The following ITGB6 variants were observed in gnomAD, a reference collection of about 807,000 sequenced individuals.
ITGB6 encodes integrin subunit beta 6, also known as integrin beta-6.
Under a neutral mutation model 84.5 loss-of-function variants are expected in ITGB6, and 80 were observed. That is an observed-to-expected ratio of 0.95 (90% confidence interval 0.79 to 1.14). The LOEUF is 1.14. ITGB6 is among the 50% of genes most tolerant of loss of function. The pLI is 0.00. For synonymous variants in ITGB6, 383 were observed against 354.9 expected (o/e 1.08, Z -0.89); for missense variants, 1,006 against 968.0 (o/e 1.04, Z -0.52).
intron 4 of ITGB6, among the ~76,000 whole-genome samples, chr2:160,191,167 T>G (rs916911314): frequency 1.2e-4 from 19 of 152,202 alleles, no homozygotes; most frequent in African/African-American, 3.6e-4. Context: ...ATCAAGCAAT[T>G]AATAACAATA....
At chr2:160,170,312 A>G (rs765542788) in intron 6 of ITGB6, among the ~76,000 whole-genome samples, 2 of 152,240 alleles carry the variant, frequency 1.3e-5, no homozygotes, top group African/African-American at 4.8e-5. Flanking sequence ...AGAAAAGTGT[A>G]GTTTTGCCTA....
At position 160,163,456 on chromosome 2, in the gene ITGB6, A is replaced by AC. The variant is rs1271050176; in HGVS notation, c.1017+5755dup. ...AGACCAGTCTGGCCAACATGGTGAA[A>AC]CCCCGTCTCTACTAAAAACATGCAA... On this transcript the variant is annotated intron_variant, in intron 7 of 14. Transcript: ENST00000283249. Among the ~76,000 whole-genome samples, 38 of 151,926 alleles carry AC rather than the reference A, an allele frequency of 2.5e-4. No homozygotes were observed. The South Asian group carries it at 3.1e-3, about 12-fold the overall frequency.
chr2:160,157,967 C>A (rs1318254296), intron 7 of ITGB6, among the ~76,000 whole-genome samples: 2 of 152,082 alleles, frequency 1.3e-5, no homozygotes, highest in Non-Finnish European at 2.9e-5. Flanking sequence ...CTGGTTCTCA[C>A]GTTCATTATC....
chr2:160,160,552 C>G (rs1004135748), intron 7 of ITGB6, among the ~76,000 whole-genome samples: 1 of 152,144 alleles, frequency 6.6e-6, no homozygotes, highest in African/African-American at 2.4e-5. Flanking sequence ...ATCATTAATA[C>G]TAGTCCCTTG....
intron 6 of ITGB6, 125 bp downstream of exon 6, chr2:160,172,444 A>C: frequency 1.1e-6 from 1 of 928,234 alleles, no homozygotes; most frequent in African/African-American, 1.6e-5. Flanking sequence ...GCAACTTGTT[A>C]ATCCCACATT....
At chr2:160,174,557 C>T (rs573780553) in intron 4 of ITGB6, among the ~76,000 whole-genome samples, 2 of 147,510 alleles carry the variant, frequency 1.4e-5, no homozygotes, top group Non-Finnish European at 3.0e-5. Context: ...AAGAGAGGAA[C>T]CTGTCTTCTT....
At chr2:160,108,836 G>C (rs6729540) in intron 13 of ITGB6, among the ~76,000 whole-genome samples, 120,041 of 152,178 alleles carry the variant, frequency 0.79, 48,299 homozygotes, top group African/African-American at 0.95. Flanking sequence ...TATACAGTAC[G>C]TTTCCTAATT....
rs1378844949 is a variant in ITGB6 at position 160,196,382 on chromosome 2, A to T, written c.180T>A (p.Asp60Glu). Reference sequence around the variant, plus strand: ...CTTTAGCTAAAAGGTTTGCTGGGGTATCACACCTTTCGCCAACTCCAGATG... The same window carrying T: ...CTTTAGCTAAAAGGTTTGCTGGGGTTTCACACCTTTCGCCAACTCCAGATG... ...THPSGVGERC[D>E]TPANLLAKGC... The change falls in exon 3 of 15, where the codon GAT becomes GAA. Residue 60 changes from aspartate (D) to glutamate (E), a missense_variant. Transcript: ENST00000283249. 6.2e-7 allele frequency: 1 copy of T among 1,613,994 alleles called. No individual in the cohort carries two copies. The highest frequency in any genetic ancestry group is 2.2e-5 in the East Asian group (1 of 44,880).
chr2:160,154,101 A>T (rs865804441), intron 7 of ITGB6, among the ~76,000 whole-genome samples: 1 of 152,280 alleles, frequency 6.6e-6, no homozygotes, highest in Non-Finnish European at 1.5e-5. Context: ...CCAAAGGATT[A>T]GAAATCATGC....
In ITGB6 at chr2:160,137,664, C is replaced by A. The variant is rs570810791; in HGVS notation, c.1430G>T (p.Gly477Val). 6.2e-7 allele frequency: 1 copy of A among 1,614,212 alleles called. No homozygotes were observed. The change falls in exon 10 of 15, where the codon GGG becomes GTG. Residue 477 changes from glycine (G) to valine (V), a missense_variant. By Grantham distance (109) the Gly-to-Val change is moderately radical (BLOSUM62 -3). Coordinates refer to ENST00000283249, the MANE Select transcript of ITGB6 (RefSeq NM_000888.5). ...GTGGCCAGGGTGGCAGGCACACACC[C>A]CACACTGGAAAGAGCCGTTCCCGTG... ...CHHGNGSFQC[G>V]VCACHPGHMG... is the part of the protein sequence containing the mutation.
chr2:160,141,689 C>T lies in ITGB6; in HGVS notation c.1107+293G>A, dbSNP rs547773234. 2.0e-5 allele frequency among the ~76,000 whole-genome samples: 3 copies of T among 152,156 alleles called. No homozygotes were observed. The East Asian group carries it at 5.8e-4, about 29-fold the overall frequency. ...TGGAGGAGAGCTTAATTGTATGACT[C>T]GTGGAGCCTTTAAAATTTTGCGGCA... On this transcript the variant is annotated intron_variant, in intron 8 of 14. Transcript: ENST00000283249.
At chr2:160,185,510 A>G (rs888771623) in intron 4 of ITGB6, among the ~76,000 whole-genome samples, 3 of 152,238 alleles carry the variant, frequency 2.0e-5, no homozygotes, top group Admixed American at 6.5e-5. Context: ...ATGCTCATGG[A>G]TAGGAAGAAT....
At position 160,131,188 on chromosome 2, in the gene ITGB6, C is replaced by T. The variant is rs1221866794; in HGVS notation, c.1661-4587G>A. 3.9e-5 allele frequency among the ~76,000 whole-genome samples: 4 copies of T among 101,818 alleles called. No individual in the cohort carries two copies. In the South Asian group the frequency reaches 8.0e-4, roughly 20 times the overall value. The allele number at this position is 101,818 out of a possible 152,430, so 66.8% of individuals were successfully genotyped here. Reference sequence around the variant, plus strand: ...CAGAGGGATAGATCTTTCTGGAATGCCATTGACAATAACTGTTAAGTGCAT... The same window carrying T: ...CAGAGGGATAGATCTTTCTGGAATGTCATTGACAATAACTGTTAAGTGCAT... On this transcript the variant is annotated intron_variant, in intron 10 of 14. Coordinates refer to ENST00000283249, the MANE Select transcript of ITGB6 (RefSeq NM_000888.5).
chr2:160,168,605 A>T (rs1248966348), intron 7 of ITGB6, among the ~76,000 whole-genome samples: 1 of 152,192 alleles, frequency 6.6e-6, no homozygotes, highest in Admixed American at 6.6e-5. Flanking sequence ...CAGTTTGCAC[A>T]GTGGTTTGGG....
At chr2:160,122,180 A>G (rs1280534364) in intron 12 of ITGB6, among the ~76,000 whole-genome samples, 2 of 152,192 alleles carry the variant, frequency 1.3e-5, no homozygotes, top group East Asian at 3.8e-4. Context: ...TTGCTGAGTT[A>G]CAAATAATTG....
chr2:160,171,588 C>T (rs1685209178), intron 6 of ITGB6, among the ~76,000 whole-genome samples: 1 of 152,150 alleles, frequency 6.6e-6, no homozygotes, highest in African/African-American at 2.4e-5. Flanking sequence ...ACCGCCTCGG[C>T]CTCCCAAAAT....
chr2:160,137,334 G>T, intron 10 of ITGB6, 100 bp downstream of exon 10: 1 of 1,087,986 alleles, frequency 9.2e-7, no homozygotes, highest in Non-Finnish European at 1.3e-6. Context: ...TATTTATTGA[G>T]CACCTACTGT....
chr2:160,178,199 T>C (rs1685508018), intron 4 of ITGB6, among the ~76,000 whole-genome samples: 1 of 152,188 alleles, frequency 6.6e-6, no homozygotes, highest in South Asian at 2.1e-4. Flanking sequence ...GGGCAAGTTA[T>C]TCAACACCAC....
At chr2:160,185,695 G>T (rs1414765625) in intron 4 of ITGB6, among the ~76,000 whole-genome samples, 14 of 152,170 alleles carry the variant, frequency 9.2e-5, no homozygotes, top group African/African-American at 3.4e-4. Context: ...CAAAGCTGGA[G>T]GCATCATGCC....
Sources: allele counts gnomAD v4.1 joint callset (sites outside exome capture counted in the v4.1 genomes callset), GRCh38; gene constraint gnomAD v4.1.1; transcripts MANE v1.5; gene names NCBI Gene and HGNC (gene_info 2026-07-23, HGNC 2026-07-21).